The following EPC2 variants were observed in gnomAD, a reference collection of about 807,000 sequenced individuals.
EPC2 encodes the protein enhancer of polycomb homolog 2.
In EPC2, 14 loss-of-function variants were observed where a neutral mutation model predicts 92.1. The observed-to-expected ratio is 0.15, with a 90% CI of 0.10 to 0.24. The LOEUF is 0.24. EPC2 is among the 10% of genes least tolerant of loss of function. EPC2 has a pLI of 1.00. For missense variants in EPC2, 755 were observed against 971.5 expected (o/e 0.78, Z 2.96); for synonymous variants, 340 against 334.7 (o/e 1.02, Z -0.17).
intron 2 of EPC2, among the ~76,000 whole-genome samples, chr2:148,712,098 CATA>C (rs1297698979): frequency 6.6e-6 from 1 of 151,990 alleles, no homozygotes; most frequent in Non-Finnish European, 1.5e-5. Flanking sequence ...TAATATCTAC[CATA>C]TCTGTTAATG....
chr2:148,669,676 G>A (rs1035212418), intron 1 of EPC2, among the ~76,000 whole-genome samples: 1 of 152,110 alleles, frequency 6.6e-6, no homozygotes, highest in Non-Finnish European at 1.5e-5. Context: ...AGGGACTAGT[G>A]CCTGTTCGTA....
intron 2 of EPC2, among the ~76,000 whole-genome samples, chr2:148,706,191 G>A (rs900168683): frequency 1.1e-4 from 17 of 152,036 alleles, no homozygotes; most frequent in Non-Finnish European, 2.2e-4. Flanking sequence ...TGGCACGAGA[G>A]CTTCGTGATG....
intron 2 of EPC2, among the ~76,000 whole-genome samples, chr2:148,736,937 A>C (rs777931423): frequency 1.6e-5 from 2 of 126,062 alleles, no homozygotes; most frequent in Non-Finnish European, 3.6e-5. Flanking sequence ...CCATTTCTAC[A>C]AAAAAAAAAA....
chr2:148,670,189 T>TA lies in EPC2; in HGVS notation c.154-20024dup, dbSNP rs1681127705. The stretch of plus-strand genomic sequence containing the variant: ...TGGGAACTAACTACTGAGGCAGCCA[T>TA]AGGGCTTACCTCATTTGTTTTCCTT... On this transcript the variant is annotated intron_variant, in intron 1 of 13. Transcript: ENST00000258484. Among the ~76,000 whole-genome samples the TA allele has an allele frequency of 2.0e-5, 3 of 152,322 alleles. No homozygotes were observed. In the South Asian group the frequency reaches 6.2e-4, roughly 32 times the overall value.
Position 148,690,384 on chromosome 2 carries a change from T to G in EPC2, c.313+11T>G, listed in dbSNP as rs1445828502. 4 of 1,565,328 alleles carry G rather than the reference T, an allele frequency of 2.6e-6. No individual in the cohort carries two copies. The highest frequency in any genetic ancestry group is 3.4e-6 in the Non-Finnish European group (4 of 1,160,290). The stretch of plus-strand genomic sequence containing the variant: ...TCATTCATATTCAGCGTAAGTTTGT[T>G]AATTCATTGTTTTCTGTTTGTACTT... On this transcript the variant is annotated intron_variant, in intron 2 of 13. Transcript: ENST00000258484.
chr2:148,727,922 G>C (rs988530270), intron 2 of EPC2, among the ~76,000 whole-genome samples: 7 of 152,154 alleles, frequency 4.6e-5, no homozygotes, highest in African/African-American at 4.8e-5. Context: ...TCCTTTATAA[G>C]TGACCACAAG....
At chr2:148,739,833 C>CTTTTTTTTTTTTTTTT (rs144868417) in intron 2 of EPC2, among the ~76,000 whole-genome samples, 387 of 81,252 alleles carry the variant, frequency 4.8e-3, no homozygotes, top group Non-Finnish European at 5.6e-3. Flanking sequence ...TCTTCTTCTT[C>CTTTTTTTTTTTTTTTT]TTTTTTTTTT....
chr2:148,666,717 C>T (rs1180559984), intron 1 of EPC2, among the ~76,000 whole-genome samples: 2 of 152,166 alleles, frequency 1.3e-5, no homozygotes, highest in African/African-American at 4.8e-5. Context: ...CATCAAACAT[C>T]ACCTGGGAAC....
chr2:148,749,479 GT>G (rs77332023), intron 3 of EPC2, among the ~76,000 whole-genome samples: 2,703 of 143,252 alleles, frequency 0.019, 70 homozygotes, highest in African/African-American at 0.057. Context: ...CACATCATCG[GT>G]TTTTTTTTTT....
At chr2:148,751,716 TTAA>T (rs1683085754) in intron 3 of EPC2, among the ~76,000 whole-genome samples, 1 of 152,080 alleles carries the variant, frequency 6.6e-6, no homozygotes, top group Non-Finnish European at 1.5e-5. Context: ...ATCATGTGAC[TTAA>T]TAATGTGTGA....
intron 2 of EPC2, among the ~76,000 whole-genome samples, chr2:148,717,088 C>T (rs991870711): frequency 3.3e-5 from 5 of 151,630 alleles, no homozygotes; most frequent in African/African-American, 4.8e-5. Context: ...TGATATCCCC[C>T]TTATCATTTC....
At chr2:148,781,862 G>T in intron 11 of EPC2, 82 bp downstream of exon 11, 1 of 1,526,194 alleles carries the variant, frequency 6.6e-7, no homozygotes, top group Non-Finnish European at 8.9e-7. Flanking sequence ...AGTCACAGAA[G>T]ATAATCTTGG....
In EPC2 at chr2:148,679,616, T is replaced by C. The variant is rs536497486; in HGVS notation, c.154-10598T>C. On this transcript the variant is annotated intron_variant, in intron 1 of 13. Coordinates refer to ENST00000258484, the MANE Select transcript of EPC2 (RefSeq NM_015630.4). ...AGTTCTTTGATGTTGTTTGTTGTTG[T>C]AGGTGTGTGGTTCTCACTGCCTTAG... Among the ~76,000 whole-genome samples the C allele has an allele frequency of 9.2e-5, 14 of 152,314 alleles. No individual in the cohort carries two copies. The South Asian group carries it at 2.7e-3, about 29-fold the overall frequency.
At chr2:148,707,272 G>T (rs1282937842) in intron 2 of EPC2, among the ~76,000 whole-genome samples, 1 of 152,186 alleles carries the variant, frequency 6.6e-6, no homozygotes, top group Non-Finnish European at 1.5e-5. Context: ...TAATGGTAAA[G>T]GGATCAATTC....
intron 2 of EPC2, among the ~76,000 whole-genome samples, chr2:148,739,746 A>G (rs1235798141): frequency 6.8e-6 from 1 of 146,680 alleles, no homozygotes; most frequent in Admixed American, 6.8e-5. Context: ...TTTCCTTCCT[A>G]CTTGCTTTCT....
At chr2:148,760,807 T>C (rs760123128) in intron 4 of EPC2, among the ~76,000 whole-genome samples, 37 of 152,180 alleles carry the variant, frequency 2.4e-4, no homozygotes, top group Non-Finnish European at 3.1e-4. Flanking sequence ...TTTGACTTTT[T>C]CTCAATTGTT....
At chr2:148,754,304 C>T (rs745602450) in intron 4 of EPC2, among the ~76,000 whole-genome samples, 171 bp downstream of exon 4, 6 of 152,128 alleles carry the variant, frequency 3.9e-5, no homozygotes, top group Non-Finnish European at 5.9e-5. Flanking sequence ...TTATCCATTG[C>T]GCCACTGGCC....
intron 1 of EPC2, among the ~76,000 whole-genome samples, chr2:148,671,286 G>GT (rs369058386): frequency 0.036 from 4,655 of 130,320 alleles, 133 homozygotes; most frequent in East Asian, 0.067. Context: ...TGTGGATTGT[G>GT]ATTTTTTTTT....
chr2:148,657,484 A>G (rs1680827173), intron 1 of EPC2, among the ~76,000 whole-genome samples: 1 of 152,104 alleles, frequency 6.6e-6, no homozygotes, highest in African/African-American at 2.4e-5. Flanking sequence ...AGTGGGTCTT[A>G]TTCCTCTTAG....
Sources: allele counts gnomAD v4.1 joint callset (sites outside exome capture counted in the v4.1 genomes callset), GRCh38; gene constraint gnomAD v4.1.1; transcripts MANE v1.5; gene names NCBI Gene and HGNC (gene_info 2026-07-23, HGNC 2026-07-21).